Variants in SYNE1 observed in about 807,000 individuals in gnomAD.
The protein encoded by SYNE1 is spectrin repeat containing nuclear envelope protein 1, also known as nesprin-1.
SYNE1 carries 616 observed loss-of-function variants against 1,111.0 expected under a neutral mutation model. The ratio of observed to expected loss-of-function variants is 0.55; its 90% confidence interval spans 0.52 to 0.59. SYNE1 has a LOEUF of 0.59. SYNE1 is among the 20% of genes least tolerant of loss of function. The probability of loss-of-function intolerance (pLI) is 0.00; values close to 1 mark genes in which losing one functional copy is unlikely to be tolerated. For synonymous variants in SYNE1, 3,855 were observed against 3,825.8 expected (o/e 1.01, Z -0.28); for missense variants, 10,006 against 10,417.0 (o/e 0.96, Z 1.72).
intron 12 of SYNE1, among the ~76,000 whole-genome samples, chr6:152,486,947 A>G (rs1428206795): frequency 2.0e-5 from 3 of 152,232 alleles, no homozygotes. Context: ...TATAATTCAG[A>G]ATATACTATA....
chr6:152,532,919 G>A (rs542582319), intron 4 of SYNE1, among the ~76,000 whole-genome samples: 1 of 152,148 alleles, frequency 6.6e-6, no homozygotes, highest in Admixed American at 6.5e-5. Flanking sequence ...AAGGAAGAGA[G>A]GTTAACCAGC....
At chr6:152,170,329 C>G (rs960584275) in intron 130 of SYNE1, among the ~76,000 whole-genome samples, 6 of 152,210 alleles carry the variant, frequency 3.9e-5, no homozygotes, top group Non-Finnish European at 7.3e-5. Context: ...AAGAATGAGA[C>G]TGGCATAGAC....
chr6:152,595,342 A>ACAT (rs2099577949), intron 3 of SYNE1, among the ~76,000 whole-genome samples: 1 of 152,232 alleles, frequency 6.6e-6, no homozygotes, highest in South Asian at 2.1e-4. Flanking sequence ...TTGATTTCAC[A>ACAT]CATCATCATC....
rs141364281 is a variant in SYNE1 at position 152,361,987 on chromosome 6, A to G, written c.10299+183T>C. 2.8e-3 allele frequency among the ~76,000 whole-genome samples: 420 copies of G among 152,304 alleles called. 2 individuals are homozygous for G. Among genetic ancestry groups the G allele is most frequent in the African/African-American group, 8.7e-3 (362 of 41,570 alleles). On this transcript the variant is annotated intron_variant, in intron 64 of 145. Transcript: ENST00000367255. ...TTCCTGGAAGGAAAAATTTTCACTCACTAATAAAGTAATCACAAATGAAAG... is the reference window on the plus strand; with the variant it reads ...TTCCTGGAAGGAAAAATTTTCACTCGCTAATAAAGTAATCACAAATGAAAG...
intron 18 of SYNE1, among the ~76,000 whole-genome samples, chr6:152,464,243 G>A (rs989013370): frequency 3.9e-5 from 6 of 152,046 alleles, no homozygotes; most frequent in South Asian, 4.1e-4. Context: ...GTGTGCACAC[G>A]CACACACACA....
At chr6:152,631,406 CA>C (rs1275196696) in intron 2 of SYNE1, among the ~76,000 whole-genome samples, 2 of 152,084 alleles carry the variant, frequency 1.3e-5, no homozygotes, top group African/African-American at 4.8e-5. Flanking sequence ...AGGTGGTGTC[CA>C]GATGGCGCAG....
At chr6:152,575,693 T>C (rs1471206184) in intron 3 of SYNE1, among the ~76,000 whole-genome samples, 1 of 152,214 alleles carries the variant, frequency 6.6e-6, no homozygotes, top group Non-Finnish European at 1.5e-5. Flanking sequence ...CTATGCAACC[T>C]TGAACAAGTT....
chr6:152,208,151 G>T lies in SYNE1; in HGVS notation c.22645C>A (p.Arg7549Ser), dbSNP rs549357903. The change falls in exon 125 of 146, where the codon CGC becomes AGC. Residue 7549 changes from arginine to serine, a missense_variant. Arg to Ser is a moderately radical substitution (Grantham distance 110, BLOSUM62 -1). This residue lies in a region of SYNE1 where 2,182 missense variants were observed against 2,287.8 expected (regional missense o/e 0.95). Coordinates refer to ENST00000367255, the MANE Select transcript of SYNE1 (RefSeq NM_182961.4). Reference sequence around the variant, plus strand: ...ATCCCCCGCCTCTGCTGGGCCCTGCGAATCACTCCCTGCCATTGATTACTG... The same window carrying T: ...ATCCCCCGCCTCTGCTGGGCCCTGCTAATCACTCCCTGCCATTGATTACTG... ...LLSNQWQGVI[R>S]RAQQRRGIID... The T allele has an allele frequency of 6.2e-7, 1 of 1,614,014 alleles. No individual in the cohort carries two copies.
chr6:152,223,306 C>T, intron 117 of SYNE1, among the ~76,000 whole-genome samples: 1 of 152,010 alleles, frequency 6.6e-6, no homozygotes. Flanking sequence ...TCTCTTCCAC[C>T]CTACCCTAAA....
Position 152,493,732 on chromosome 6 carries a change from C to A in SYNE1, c.939+5010G>T, listed in dbSNP as rs1593922277. On this transcript the variant is annotated intron_variant, in intron 11 of 145. Transcript: ENST00000367255. ...ATAACTCTTCATAAAAGCACATATG[C>A]TCTCCCTGTTGATCGTGTCCGGCTA... Among the ~76,000 whole-genome samples, 11 of 152,304 alleles carry A rather than the reference C, an allele frequency of 7.2e-5. 1 individual carries two copies. In the South Asian group the frequency reaches 2.3e-3, roughly 32 times the overall value.
intron 56 of SYNE1, among the ~76,000 whole-genome samples, chr6:152,378,745 C>T (rs913624547): frequency 6.6e-6 from 1 of 152,152 alleles, no homozygotes; most frequent in Admixed American, 6.6e-5. Context: ...GTACCCCCTG[C>T]CCTCCTTCCC....
chr6:152,508,715 T>G (rs2099070504), intron 8 of SYNE1, among the ~76,000 whole-genome samples: 1 of 152,198 alleles, frequency 6.6e-6, no homozygotes, highest in African/African-American at 2.4e-5. Flanking sequence ...GTGGATGCAA[T>G]TAAACAGTGT....
rs117323357 is a variant in SYNE1 at position 152,271,921 on chromosome 6, T to A, written c.18574-2635A>T. On this transcript the variant is annotated intron_variant, in intron 98 of 145. Coordinates refer to ENST00000367255, the MANE Select transcript of SYNE1 (RefSeq NM_182961.4). ...GTTTTTCAGAGCCCGGCCTGAAGAC[T>A]CCCTTGGAAAATTCTCCGAGCCCTG... is the stretch of plus-strand genomic sequence containing the variant. Among the ~76,000 whole-genome samples, 383 of 152,252 alleles carry A rather than the reference T, an allele frequency of 2.5e-3. 1 individual carries two copies. Among genetic ancestry groups the A allele is most frequent in the Admixed American group, 5.2e-3 (79 of 15,296 alleles).
chr6:152,278,050 G>T, intron 98 of SYNE1, 39 bp downstream of exon 98: 1 of 1,610,414 alleles, frequency 6.2e-7, no homozygotes, highest in Non-Finnish European at 8.5e-7. Context: ...TGAACAGTGT[G>T]CCAACTTTCA....
chr6:152,214,673 A>G (rs903174894), intron 122 of SYNE1, among the ~76,000 whole-genome samples: 1 of 151,964 alleles, frequency 6.6e-6, no homozygotes, highest in Non-Finnish European at 1.5e-5. Context: ...GGACACAGCA[A>G]CTCTCCCCTC....
chr6:152,481,582 G>A (rs769112069), intron 14 of SYNE1: 5 of 450,190 alleles, frequency 1.1e-5, no homozygotes, highest in South Asian at 3.2e-5. Context: ...ACAAATGCCA[G>A]TTAAGGTAAA....
At position 152,465,282 on chromosome 6, in the gene SYNE1, G is replaced by GA. The variant is rs780216727; in HGVS notation, c.1907dup (p.Asn637GlnfsTer33). 1.9e-6 allele frequency: 3 copies of GA among 1,613,626 alleles called. No homozygotes were observed. Among genetic ancestry groups the GA allele is most frequent in the Non-Finnish European group, 2.5e-6 (3 of 1,179,736 alleles). ...CCTTTTTGGCATTTTCTGATTGATT[G>GA]AGCATTTTTTCAGCATCCTCTAGCC... On this transcript the variant is annotated frameshift_variant, in exon 18 of 146. Coordinates refer to ENST00000367255, the MANE Select transcript of SYNE1 (RefSeq NM_182961.4). LOFTEE classifies it high-confidence loss of function.
intron 33 of SYNE1, chr6:152,434,553 A>C (rs1291961936): frequency 1.3e-5 from 2 of 152,272 alleles, no homozygotes; most frequent in Non-Finnish European, 2.9e-5. Context: ...CTGATTCCAA[A>C]AGACATTTAT....
chr6:152,215,357 T>C (rs2078381571), intron 121 of SYNE1, among the ~76,000 whole-genome samples: 1 of 152,238 alleles, frequency 6.6e-6, no homozygotes, highest in African/African-American at 2.4e-5. Flanking sequence ...GTATGGTTTA[T>C]ACATACAAAT....
Sources: allele counts gnomAD v4.1 joint callset (sites outside exome capture counted in the v4.1 genomes callset), GRCh38; gene constraint gnomAD v4.1.1; regional missense constraint gnomAD v4.1.1; transcripts MANE v1.5; gene names NCBI Gene and HGNC (gene_info 2026-07-23, HGNC 2026-07-21).